Variants in ME3 observed in about 807,000 individuals in gnomAD.
ME3 encodes malic enzyme 3, also known as NADP-dependent malic enzyme, mitochondrial.
ME3 carries 48 observed loss-of-function variants against 68.9 expected under a neutral mutation model. The observed-to-expected ratio is 0.70, with a 90% CI of 0.55 to 0.89. The LOEUF (loss-of-function observed/expected upper bound fraction) is 0.89. Among genes scored for constraint, ME3 ranks in the 40% least tolerant of loss-of-function variants. The pLI is 0.00. For synonymous variants in ME3, 320 were observed against 318.8 expected (o/e 1.00, Z -0.04); for missense variants, 675 against 797.4 (o/e 0.85, Z 1.85).
At chr11:86,462,654 A>G (rs1290655396) in intron 8 of ME3, 1 of 1,227,108 alleles carries the variant, frequency 8.1e-7, no homozygotes, top group Non-Finnish European at 1.1e-6. Context: ...GGCATCTATC[A>G]TGTAGCAGGC....
intron 2 of ME3, among the ~76,000 whole-genome samples, chr11:86,581,007 A>G (rs906535227): frequency 2.0e-5 from 3 of 152,200 alleles, no homozygotes; most frequent in Non-Finnish European, 4.4e-5. Context: ...TTCTCTTCCA[A>G]AAGGCAGGAA....
chr11:86,618,835 C>A (rs1204980065), intron 2 of ME3, among the ~76,000 whole-genome samples: 1 of 151,980 alleles, frequency 6.6e-6, no homozygotes, highest in Non-Finnish European at 1.5e-5. Context: ...ATCCTACCTC[C>A]CGAGTAGCTG....
intron 7 of ME3, among the ~76,000 whole-genome samples, chr11:86,484,302 T>C (rs1049125511): frequency 6.6e-6 from 1 of 152,108 alleles, no homozygotes; most frequent in Non-Finnish European, 1.5e-5. Context: ...TGTTTGACTT[T>C]GGAACTCCTG....
At chr11:86,474,773 C>G (rs993929909) in intron 7 of ME3, among the ~76,000 whole-genome samples, 12 of 152,190 alleles carry the variant, frequency 7.9e-5, no homozygotes, top group African/African-American at 2.9e-4. Flanking sequence ...ATCTTTTGAT[C>G]ACCTTATGCC....
chr11:86,487,254 T>C, intron 7 of ME3, 83 bp downstream of exon 7: 1 of 1,150,684 alleles, frequency 8.7e-7, no homozygotes, highest in Non-Finnish European at 1.3e-6. Flanking sequence ...CTTTACTTTG[T>C]ATATCAGCCA....
intron 8 of ME3, among the ~76,000 whole-genome samples, chr11:86,463,571 G>A (rs973535642): frequency 1.3e-5 from 2 of 152,238 alleles, no homozygotes; most frequent in African/African-American, 4.8e-5. Flanking sequence ...AATGGAGAAA[G>A]GCTGGCAGGG....
At chr11:86,513,720 A>G (rs1241258834) in intron 4 of ME3, among the ~76,000 whole-genome samples, 1 of 152,200 alleles carries the variant, frequency 6.6e-6, no homozygotes, top group African/African-American at 2.4e-5. Context: ...AAGCAAATGT[A>G]TTGCAGGTGC....
At chr11:86,527,970 ACAT>A (rs1954896510) in intron 4 of ME3, among the ~76,000 whole-genome samples, 1 of 152,248 alleles carries the variant, frequency 6.6e-6, no homozygotes. Flanking sequence ...TAACCAGCTA[ACAT>A]CATAATGACA....
At chr11:86,620,136 C>T (rs1943250687) in intron 2 of ME3, among the ~76,000 whole-genome samples, 1 of 152,170 alleles carries the variant, frequency 6.6e-6, no homozygotes, top group Non-Finnish European at 1.5e-5. Context: ...TAGCACAGTG[C>T]CTGGCACGTA....
chr11:86,530,826 T>C lies in ME3; in HGVS notation c.468-21959A>G, dbSNP rs577269729. Among the ~76,000 whole-genome samples the C allele has an allele frequency of 2.4e-4, 36 of 152,332 alleles. No individual in the cohort carries two copies. The East Asian group carries it at 6.6e-3, about 28-fold the overall frequency. ...GAAAGCTGAAACTGGATCCCTTCCT[T>C]ACACCTTATACAAAAATTAATTGAA... On this transcript the variant is annotated intron_variant, in intron 4 of 14. Coordinates refer to ENST00000543262, the Ensembl canonical transcript of ME3.
At chr11:86,606,552 C>T (rs1430751594) in intron 2 of ME3, among the ~76,000 whole-genome samples, 2 of 152,162 alleles carry the variant, frequency 1.3e-5, no homozygotes, top group Non-Finnish European at 1.5e-5. Flanking sequence ...CCCCTTGGCC[C>T]CATGAGCTTG....
chr11:86,541,819 A>C (rs1158648545), intron 4 of ME3, among the ~76,000 whole-genome samples: 1 of 152,168 alleles, frequency 6.6e-6, no homozygotes, highest in Non-Finnish European at 1.5e-5. Context: ...CTGCCTCCTC[A>C]AGTGGTTCCC....
rs142436295 is a variant in ME3, at chr11:86,477,233, A to G, written c.809+10104T>C. 9.2e-5 allele frequency among the ~76,000 whole-genome samples: 14 copies of G among 152,370 alleles called. No homozygotes were observed. The East Asian group carries it at 2.7e-3, about 29-fold the overall frequency. ...GTTAATAAGAGATTGGAACTCAGGC[A>G]GTCTAGCTCTAGAATTCGTGCTTTT... On this transcript the variant is annotated intron_variant, in intron 7 of 14. Transcript: ENST00000543262.
intron 2 of ME3, among the ~76,000 whole-genome samples, 200 bp from the exon 3 acceptor site, chr11:86,560,023 C>T (rs990951334): frequency 1.2e-4 from 19 of 152,142 alleles, no homozygotes; most frequent in South Asian, 4.1e-4. Flanking sequence ...TCAGCTTCCT[C>T]ATTGGAAAAA....
chr11:86,528,741 T>C (rs930748521), intron 4 of ME3, among the ~76,000 whole-genome samples: 1 of 151,554 alleles, frequency 6.6e-6, no homozygotes, highest in Non-Finnish European at 1.5e-5. Flanking sequence ...CTGAACAAAC[T>C]GCTCCTGAAT....
At chr11:86,486,358 A>G (rs2138920909) in intron 7 of ME3, among the ~76,000 whole-genome samples, 1 of 152,338 alleles carries the variant, frequency 6.6e-6, no homozygotes, top group South Asian at 2.1e-4. Context: ...TTATCTCCAG[A>G]TAAGGAAACC....
intron 4 of ME3, among the ~76,000 whole-genome samples, chr11:86,551,173 C>T (rs138046920): frequency 6.9e-4 from 105 of 152,268 alleles, no homozygotes; most frequent in Middle Eastern, 3.4e-3. Context: ...AGTAATACCC[C>T]TCCTTTAAGC....
intron 2 of ME3, among the ~76,000 whole-genome samples, chr11:86,642,520 C>A (rs1231535348): frequency 6.6e-6 from 1 of 152,152 alleles, no homozygotes; most frequent in Non-Finnish European, 1.5e-5. Flanking sequence ...TCAATGACCC[C>A]AATATTCACA....
chr11:86,467,503 A>G (rs1232323440), intron 7 of ME3, among the ~76,000 whole-genome samples: 1 of 152,114 alleles, frequency 6.6e-6, no homozygotes. Context: ...GAGGAACACA[A>G]TGTCTTTGGT....
Sources: gnomAD v4.1 joint callset for allele counts (sites outside exome capture counted in the v4.1 genomes callset) on GRCh38, gnomAD v4.1.1 for gene constraint, MANE v1.5 for transcripts, NCBI Gene and HGNC (gene_info 2026-07-23, HGNC 2026-07-21) for gene names.